The following WNT9B variants were observed in gnomAD, a reference collection of about 807,000 sequenced individuals.
WNT9B encodes protein Wnt-9b.
In WNT9B, 12 loss-of-function variants were observed where a neutral mutation model predicts 30.2. The ratio of observed to expected loss-of-function variants is 0.40; its 90% CI spans 0.26 to 0.64. WNT9B has a LOEUF of 0.64. Among genes scored for constraint, WNT9B ranks in the 30% least tolerant of loss-of-function variants. The pLI is 0.42. For missense variants in WNT9B, 442 were observed against 485.2 expected (o/e 0.91, Z 0.84); for synonymous variants, 218 against 216.9 (o/e 1.01, Z -0.05).
intron 1 of WNT9B, among the ~76,000 whole-genome samples, chr17:46,870,527 C>T (rs2085222653): frequency 6.6e-6 from 1 of 152,222 alleles, no homozygotes; most frequent in Non-Finnish European, 1.5e-5. Flanking sequence ...CAGGCTAGGC[C>T]AACGGGAGCC....
At chr17:46,849,112 C>T (rs758059927), upstream of WNT9B, among the ~76,000 whole-genome samples, 5 of 152,180 alleles carry the variant, frequency 3.3e-5, no homozygotes, top group African/African-American at 1.2e-4. Context: ...AAACCTGGTA[C>T]AGTTCTAACA....
rs2085373946 is a variant in WNT9B at position 46,878,120 on chromosome 17, TC to T, written c.*1406del. Among the ~76,000 whole-genome samples, 1 of 152,136 alleles carries T rather than the reference TC, an allele frequency of 6.6e-6. No individual in the cohort carries two copies. Among genetic ancestry groups the T allele is most frequent in the South Asian group, 2.1e-4 (1 of 4,812 alleles). ...GTTCAGGATGAAGACCTTGCAGGGG[TC>T]CCCTTGCTGGAGGCATTGTACTTCC... On this transcript the variant is annotated 3_prime_UTR_variant, in exon 4 of 4. Transcript: ENST00000290015.
intron 1 of WNT9B, among the ~76,000 whole-genome samples, chr17:46,864,866 C>T (rs919270949): frequency 1.3e-5 from 2 of 152,142 alleles, no homozygotes; most frequent in Non-Finnish European, 2.9e-5. Flanking sequence ...CCTGCTTCCC[C>T]GCACAGCCTC....
chr17:46,856,571 G>A (rs138015220), intron 1 of WNT9B, among the ~76,000 whole-genome samples: 11 of 150,320 alleles, frequency 7.3e-5, no homozygotes, highest in Non-Finnish European at 1.5e-4. Flanking sequence ...TGCAGCCTCC[G>A]CCTCCCGGTT....
chr17:46,868,089 A>G lies in WNT9B; in HGVS notation c.78-4428A>G, dbSNP rs189926308. ...AGCCTGAGACAGACAGGAATAGTGG[A>G]GGTAGCTGGGCCAAAGCAGGTGCAG... is the stretch of plus-strand genomic sequence containing the variant. On this transcript the variant is annotated intron_variant, in intron 1 of 3. Coordinates refer to ENST00000290015, the MANE Select transcript of WNT9B (RefSeq NM_003396.3). Among the ~76,000 whole-genome samples the G allele has an allele frequency of 2.9e-4, 44 of 152,260 alleles. No homozygotes were observed. The East Asian group carries it at 6.2e-3, about 21-fold the overall frequency.
intron 1 of WNT9B, among the ~76,000 whole-genome samples, chr17:46,839,922 T>TTC (rs1308160119): frequency 1.9e-5 from 2 of 103,308 alleles, no homozygotes; most frequent in East Asian, 5.3e-4. Context: ...TTTTCTTTCT[T>TTC]TCTTTCTTTC....
chr17:46,837,248 G>A (rs547961752), intron 1 of WNT9B, among the ~76,000 whole-genome samples: 39 of 152,228 alleles, frequency 2.6e-4, no homozygotes, highest in Non-Finnish European at 5.0e-4. Context: ...GCTGAACCTT[G>A]CAAGTATTTC....
chr17:46,852,156 G>A (rs1214188556), intron 1 of WNT9B, among the ~76,000 whole-genome samples: 1 of 152,200 alleles, frequency 6.6e-6, no homozygotes, highest in Non-Finnish European at 1.5e-5. Context: ...CCCACCCTCC[G>A]CCTTCGCCCT....
intron 1 of WNT9B, among the ~76,000 whole-genome samples, chr17:46,846,566 A>G (rs2084778347): frequency 6.6e-6 from 1 of 152,226 alleles, no homozygotes; most frequent in South Asian, 2.1e-4. Context: ...AGAGGCAGGA[A>G]TTGTCAGTCA....
rs2146620746 is a variant in WNT9B at position 46,880,347 on chromosome 17, A to G, written c.*3629A>G. 6.6e-6 allele frequency among the ~76,000 whole-genome samples: 1 copy of G among 152,288 alleles called. No homozygotes were observed. Among genetic ancestry groups the G allele is most frequent in the Admixed American group, 6.5e-5 (1 of 15,300 alleles). Reference sequence around the variant, plus strand: ...CTTCAAATGCTTTCTGTCTCAGGACACTTTAGAATAACAATGGAAGCCATC... The same window carrying G: ...CTTCAAATGCTTTCTGTCTCAGGACGCTTTAGAATAACAATGGAAGCCATC... On this transcript the variant is annotated 3_prime_UTR_variant, in exon 4 of 4. Coordinates refer to ENST00000290015, the MANE Select transcript of WNT9B (RefSeq NM_003396.3).
At chr17:46,851,014 T>C (rs2084834800), upstream of WNT9B, among the ~76,000 whole-genome samples, 1 of 152,150 alleles carries the variant, frequency 6.6e-6, no homozygotes, top group African/African-American at 2.4e-5. This position sits in a 1 kb window ranked among gnomAD's most constrained non-coding sequence, Gnocchi z 4.3. Flanking sequence ...CCAAGACTCT[T>C]TGCCTGGCAA....
chr17:46,867,164 C>G (rs2085153310), intron 1 of WNT9B, among the ~76,000 whole-genome samples: 1 of 152,236 alleles, frequency 6.6e-6, no homozygotes, highest in East Asian at 1.9e-4. Context: ...CTCCTGAGTC[C>G]AACCAACTTC....
intron 2 of WNT9B, among the ~76,000 whole-genome samples, chr17:46,874,498 C>A (rs973122817): frequency 6.6e-6 from 1 of 152,162 alleles, no homozygotes; most frequent in Non-Finnish European, 1.5e-5. Context: ...AAGGCCGTAG[C>A]CCCTGGCCTG....
intron 1 of WNT9B, among the ~76,000 whole-genome samples, chr17:46,841,890 G>T (rs11867469): frequency 0.053 from 8,021 of 152,294 alleles, 696 homozygotes; most frequent in African/African-American, 0.18. Context: ...GCGCTCCTCT[G>T]CGGTGTGTGG....
At chr17:46,875,820 T>C (rs2085335386) in intron 3 of WNT9B, among the ~76,000 whole-genome samples, 2 of 152,062 alleles carry the variant, frequency 1.3e-5, no homozygotes, top group African/African-American at 2.4e-5. Context: ...GGTTACACAG[T>C]AGTGGGAGGT....
chr17:46,852,006 G>A (rs1183257311), intron 1 of WNT9B, among the ~76,000 whole-genome samples: 1 of 152,004 alleles, frequency 6.6e-6, no homozygotes, highest in African/African-American at 2.4e-5. Flanking sequence ...CGCACGCCTC[G>A]GACCCTGGCC....
At chr17:46,875,070 C>A (rs747222545) in intron 2 of WNT9B, 31 bp from the exon 3 acceptor site, 5 of 1,613,468 alleles carry the variant, frequency 3.1e-6, no homozygotes, top group Non-Finnish European at 4.2e-6. Context: ...CCCCTTTCCT[C>A]CCTCCCTATG....
chr17:46,861,381 T>A (rs2085035047), intron 1 of WNT9B, among the ~76,000 whole-genome samples: 1 of 152,158 alleles, frequency 6.6e-6, no homozygotes, highest in Non-Finnish European at 1.5e-5. Flanking sequence ...GTGGGCAGCG[T>A]CCTCTCCCTT....
chr17:46,880,120 G>A lies in WNT9B; in HGVS notation c.*3402G>A, dbSNP rs2085404258. On this transcript the variant is annotated 3_prime_UTR_variant, in exon 4 of 4. Transcript: ENST00000290015. ...GTCCTCCTGCAGGCAGCTAGAGTGAGGGAGTCTAATGGACAGGATGCCCCA... is the reference window on the plus strand; with the variant it reads ...GTCCTCCTGCAGGCAGCTAGAGTGAAGGAGTCTAATGGACAGGATGCCCCA... Among the ~76,000 whole-genome samples the A allele has an allele frequency of 6.6e-6, 1 of 152,232 alleles. No individual in the cohort carries two copies. Among genetic ancestry groups the A allele is most frequent in the Admixed American group, 6.5e-5 (1 of 15,284 alleles).
Sources: gnomAD v4.1 joint callset for allele counts (sites outside exome capture counted in the v4.1 genomes callset) on GRCh38, gnomAD v4.1.1 for gene constraint, Gnocchi (gnomAD v3.1) non-coding constraint, MANE v1.5 for transcripts, NCBI Gene and HGNC (gene_info 2026-07-23, HGNC 2026-07-21) for gene names.